GRID1: variants seen among roughly 807,000 people sequenced by gnomAD.
The protein encoded by GRID1 is glutamate receptor ionotropic, delta-1.
A neutral mutation model predicts 98.0 loss-of-function variants in GRID1; 28 were observed. The observed-to-expected ratio is 0.29, with a 90% CI of 0.21 to 0.39. The LOEUF is 0.39. Ranked by LOEUF, GRID1 falls within the 10% of genes least tolerant of loss-of-function variation. The pLI, the probability that GRID1 is intolerant of heterozygous loss-of-function variation, is 1.00. For missense variants in GRID1, 1,111 were observed against 1,340.5 expected, an observed-to-expected ratio of 0.83 and a Z score of 2.67; for synonymous variants, 553 against 538.5, an observed-to-expected ratio of 1.03 and a Z score of -0.37.
intron 4 of GRID1, among the ~76,000 whole-genome samples, chr10:85,971,013 T>C (rs1842400493): frequency 1.3e-5 from 2 of 151,890 alleles, no homozygotes; most frequent in African/African-American, 4.8e-5. Flanking sequence ...AAGATCAATA[T>C]GTAAAAATCA....
At chr10:85,976,209 A>C (rs1842470699) in intron 4 of GRID1, among the ~76,000 whole-genome samples, 1 of 152,224 alleles carries the variant, frequency 6.6e-6, no homozygotes, top group African/African-American at 2.4e-5. Context: ...TTCAAATAAC[A>C]ACAAAATGAC....
intron 2 of GRID1, among the ~76,000 whole-genome samples, chr10:86,332,274 G>A (rs372527417): frequency 2.6e-5 from 4 of 152,290 alleles, no homozygotes; most frequent in Admixed American, 2.0e-4. Flanking sequence ...GCCCCAGGAC[G>A]GTGAAGGGAG....
At chr10:85,666,498 G>T (rs1036629513) in intron 12 of GRID1, among the ~76,000 whole-genome samples, 1 of 152,194 alleles carries the variant, frequency 6.6e-6, no homozygotes, top group Admixed American at 6.5e-5. Context: ...GCGGGGGCAG[G>T]TACCTGCAAC....
chr10:86,153,088 C>CCTCA (rs768603079), intron 3 of GRID1, among the ~76,000 whole-genome samples: 7 of 152,190 alleles, frequency 4.6e-5, no homozygotes, highest in Non-Finnish European at 1.0e-4. Context: ...TGCAGAGGAA[C>CCTCA]CTCACTCTGC....
At chr10:85,694,693 A>G (rs1006591328) in intron 12 of GRID1, among the ~76,000 whole-genome samples, 3 of 150,682 alleles carry the variant, frequency 2.0e-5, no homozygotes. Context: ...AAGTGAAATA[A>G]CTCAGAAACA....
At chr10:85,928,587 T>A (rs1841807796) in intron 4 of GRID1, among the ~76,000 whole-genome samples, 1 of 152,204 alleles carries the variant, frequency 6.6e-6, no homozygotes. Flanking sequence ...GCACCACGAC[T>A]GATTCACTAT....
intron 8 of GRID1, among the ~76,000 whole-genome samples, chr10:85,786,860 G>A (rs1202371846): frequency 6.6e-6 from 1 of 151,982 alleles, no homozygotes; most frequent in Non-Finnish European, 1.5e-5. Flanking sequence ...CAAAGGGCAG[G>A]GCGTGGAGGA....
rs953076977 is a variant in GRID1 at position 86,366,692 on chromosome 10, G to A, written c.-300C>T. 2.0e-5 allele frequency among the ~76,000 whole-genome samples: 3 copies of A among 149,570 alleles called. No homozygotes were observed. The highest frequency in any genetic ancestry group is 4.5e-5 in the Non-Finnish European group (3 of 66,682). ...CGGCTGTGGCAGCGGCGCTTCCCGC[G>A]GCTAGAGCGGCTTCGGGGGAGGCTG... On this transcript the variant is annotated 5_prime_UTR_variant, in exon 1 of 16. Transcript: ENST00000327946. This position sits in a 1 kb window ranked among gnomAD's most constrained non-coding sequence, Gnocchi z 4.1.
At chr10:85,651,037 A>G (rs1005553821) in intron 12 of GRID1, among the ~76,000 whole-genome samples, 3 of 152,216 alleles carry the variant, frequency 2.0e-5, no homozygotes, top group African/African-American at 7.2e-5. Context: ...ATACTGAGTC[A>G]GAAACTCTGA....
chr10:86,289,582 G>C (rs1399078279), intron 2 of GRID1, among the ~76,000 whole-genome samples: 1 of 151,794 alleles, frequency 6.6e-6, no homozygotes, highest in Non-Finnish European at 1.5e-5. Flanking sequence ...ATATGGCTCT[G>C]ATCTCCCCAG....
At chr10:85,896,291 T>G (rs539517072) in intron 5 of GRID1, among the ~76,000 whole-genome samples, 2 of 152,312 alleles carry the variant, frequency 1.3e-5, no homozygotes, top group South Asian at 4.1e-4. Flanking sequence ...AACTTTTACT[T>G]GGCTTGATGC....
chr10:86,333,833 AG>A (rs1206810063), intron 2 of GRID1, among the ~76,000 whole-genome samples: 2 of 152,142 alleles, frequency 1.3e-5, no homozygotes, highest in African/African-American at 4.8e-5. Flanking sequence ...GAGTAGGCTG[AG>A]GGGGAGGAAT....
chr10:85,851,791 C>T (rs552882385), intron 8 of GRID1, among the ~76,000 whole-genome samples: 2 of 152,266 alleles, frequency 1.3e-5, no homozygotes, highest in East Asian at 3.9e-4. Context: ...AGAGCTGCGA[C>T]TCCTTGGACT....
chr10:85,785,057 T>C (rs1468037628), intron 8 of GRID1, among the ~76,000 whole-genome samples: 1 of 152,228 alleles, frequency 6.6e-6, no homozygotes, highest in Non-Finnish European at 1.5e-5. Flanking sequence ...TCACCCAGCA[T>C]GGCTTCTGAA....
At chr10:85,669,837 A>C (rs1283117460) in intron 12 of GRID1, among the ~76,000 whole-genome samples, 1 of 152,244 alleles carries the variant, frequency 6.6e-6, no homozygotes, top group Admixed American at 6.5e-5. Context: ...ACTGTTTAAC[A>C]TCTGAGCCTG....
chr10:85,866,659 T>C (rs1423758503), intron 6 of GRID1, among the ~76,000 whole-genome samples: 2 of 152,186 alleles, frequency 1.3e-5, no homozygotes, highest in Admixed American at 1.3e-4. Context: ...CTGAACTGAA[T>C]GCTTTCCGTA....
chr10:85,940,106 C>T (rs1308027976), intron 4 of GRID1, among the ~76,000 whole-genome samples: 3 of 149,930 alleles, frequency 2.0e-5, no homozygotes, highest in Admixed American at 2.0e-4. Context: ...AGAGAGACAG[C>T]TGTGGGCAGG....
intron 5 of GRID1, among the ~76,000 whole-genome samples, chr10:85,892,025 C>A (rs747711022): frequency 9.2e-5 from 14 of 151,362 alleles, no homozygotes; most frequent in South Asian, 8.4e-4. Flanking sequence ...GAAGATAGAG[C>A]AAAACATGCA....
chr10:86,167,681 C>A (rs1453720544), intron 3 of GRID1, among the ~76,000 whole-genome samples: 1 of 152,212 alleles, frequency 6.6e-6, no homozygotes, highest in Non-Finnish European at 1.5e-5. Flanking sequence ...TGAGGTTTTG[C>A]TGCCTTCCTG....
Sources: gnomAD v4.1 joint callset for allele counts (sites outside exome capture counted in the v4.1 genomes callset) on GRCh38, gnomAD v4.1.1 for gene constraint, Gnocchi (gnomAD v3.1) non-coding constraint, MANE v1.5 for transcripts, NCBI Gene and HGNC (gene_info 2026-07-23, HGNC 2026-07-21) for gene names.